The following WASHC2C variants were observed in gnomAD, a reference collection of about 807,000 sequenced individuals.
WASHC2C encodes WASH complex subunit 2C.
WASHC2C carries 73 observed loss-of-function variants against 142.2 expected under a neutral mutation model. That is an observed-to-expected ratio of 0.51 (90% confidence interval 0.43 to 0.62). WASHC2C has a LOEUF of 0.62. Ranked by LOEUF, WASHC2C falls within the 20% of genes least tolerant of loss-of-function variation. The probability of loss-of-function intolerance (pLI) is 0.00; values close to 1 mark genes in which losing one functional copy is unlikely to be tolerated. For missense variants in WASHC2C, 969 were observed against 1,531.7 expected (o/e 0.63, Z 6.13); for synonymous variants, 337 against 565.5 (o/e 0.60, Z 5.73).
At chr10:45,734,208 G>C (rs1416054232) in intron 3 of WASHC2C, among the ~76,000 whole-genome samples, 3 of 152,124 alleles carry the variant, frequency 2.0e-5, no homozygotes, top group African/African-American at 7.2e-5. Flanking sequence ...CAGGGTGACA[G>C]AGCAAGACTC....
At chr10:45,757,691 T>A (rs549187569) in intron 16 of WASHC2C, among the ~76,000 whole-genome samples, 167 of 152,074 alleles carry the variant, frequency 1.1e-3, no homozygotes, top group African/African-American at 3.8e-3. Flanking sequence ...AAATGCCATT[T>A]ACGGCAGTGA....
At chr10:45,771,364 C>CAA (rs58095251) in intron 20 of WASHC2C, among the ~76,000 whole-genome samples, 56 of 40,044 alleles carry the variant, frequency 1.4e-3, no homozygotes, top group South Asian at 3.6e-3. Flanking sequence ...GACTCCATCT[C>CAA]AAAAAAAAAA....
At position 45,753,330 on chromosome 10, in the gene WASHC2C, G is replaced by C; in HGVS notation, c.1180+93G>C. The C allele has an allele frequency of 2.5e-6, 3 of 1,197,942 alleles. 1 individual carries two copies. Among genetic ancestry groups the C allele is most frequent in the Non-Finnish European group, 3.5e-6 (3 of 865,072 alleles). The allele number at this position is 1,197,942 out of a possible 1,614,324, so 74.2% of individuals were successfully genotyped here. On this transcript the variant is annotated intron_variant, in intron 13 of 30. Transcript: ENST00000623400. ...TGGAACAAGGTTGTTCCCAAGCCTTGTTTCTGTGTCAAGCAAGAAGCTGTT... is the reference window on the plus strand; with the variant it reads ...TGGAACAAGGTTGTTCCCAAGCCTTCTTTCTGTGTCAAGCAAGAAGCTGTT...
chr10:45,788,672 T>C (rs1327723059), intron 28 of WASHC2C, among the ~76,000 whole-genome samples, 199 bp from the exon 29 acceptor site: 6 of 152,302 alleles, frequency 3.9e-5, no homozygotes, highest in South Asian at 2.1e-4. Context: ...AAGAATGACT[T>C]AGTCTTGGAG....
intron 15 of WASHC2C, among the ~76,000 whole-genome samples, chr10:45,756,622 A>AT (rs1196842139): frequency 5.9e-5 from 9 of 151,726 alleles, no homozygotes; most frequent in East Asian, 1.9e-4. Context: ...GTACAGTTTG[A>AT]TTTTTTTTAA....
rs551906385 is a variant in WASHC2C at position 45,759,776 on chromosome 10, A to G, written c.1635+375A>G. On this transcript the variant is annotated intron_variant, in intron 17 of 30. Coordinates refer to ENST00000623400, the MANE Select transcript of WASHC2C (RefSeq NM_001330074.2). ...AGAAGTTGCAATGAACCGAGATCACACCATTGCACTCCAGTCTAGGCGACA... is the reference window on the plus strand; with the variant it reads ...AGAAGTTGCAATGAACCGAGATCACGCCATTGCACTCCAGTCTAGGCGACA... 4.8e-4 allele frequency among the ~76,000 whole-genome samples: 73 copies of G among 152,316 alleles called. 1 individual carries two copies. The highest frequency in any genetic ancestry group is 7.9e-4 in the African/African-American group (33 of 41,570).
intron 8 of WASHC2C, among the ~76,000 whole-genome samples, chr10:45,749,400 A>G (rs1298691493): frequency 9.3e-5 from 14 of 151,270 alleles, no homozygotes; most frequent in African/African-American, 3.4e-4. Context: ...ACCCCATTGC[A>G]CTTCAGCCTG....
At chr10:45,772,539 G>A (rs1390414605) in intron 20 of WASHC2C, among the ~76,000 whole-genome samples, 14 of 151,722 alleles carry the variant, frequency 9.2e-5, no homozygotes, top group Non-Finnish European at 1.6e-4. Context: ...AACATAGAGC[G>A]ACCTCACCTC....
chr10:45,761,396 T>C (rs1329003639), intron 17 of WASHC2C, among the ~76,000 whole-genome samples: 12 of 152,302 alleles, frequency 7.9e-5, no homozygotes, highest in Non-Finnish European at 8.8e-5. Flanking sequence ...ATGGTCACAA[T>C]GGCCCATCCA....
At chr10:45,737,814 A>T (rs2610468) in intron 3 of WASHC2C, among the ~76,000 whole-genome samples, 169 bp from the exon 4 acceptor site, 161 of 119,180 alleles carry the variant, frequency 1.4e-3, no homozygotes, top group African/African-American at 4.9e-3. Flanking sequence ...CTTTGCTGTT[A>T]GTCCATGACC....
chr10:45,784,238 A>ATG (rs1564818662), intron 23 of WASHC2C, among the ~76,000 whole-genome samples: 96 of 58,234 alleles, frequency 1.6e-3, no homozygotes, highest in Middle Eastern at 7.2e-3. Context: ...ATATATATAT[A>ATG]TATGTGTGTG....
intron 14 of WASHC2C, 150 bp from the exon 15 acceptor site, chr10:45,754,786 A>G (rs1386568234): frequency 1.5e-5 from 21 of 1,362,686 alleles, no homozygotes; most frequent in Non-Finnish European, 2.1e-5. Flanking sequence ...GATGTTCTGT[A>G]GCAGTAATGG....
chr10:45,775,902 G>A (rs1367061633), intron 21 of WASHC2C, among the ~76,000 whole-genome samples: 3 of 151,738 alleles, frequency 2.0e-5, no homozygotes, highest in Non-Finnish European at 4.4e-5. Context: ...GGATGGTCTC[G>A]ATCTCCTGAT....
chr10:45,736,175 A>G (rs111561700), intron 3 of WASHC2C, among the ~76,000 whole-genome samples: 5,454 of 150,730 alleles, frequency 0.036, 118 homozygotes, highest in African/African-American at 0.047. Context: ...TGGGAGGCCG[A>G]GGTGGGCGAA....
chr10:45,760,100 G>T (rs1440160348), intron 17 of WASHC2C, among the ~76,000 whole-genome samples: 1 of 143,964 alleles, frequency 6.9e-6, no homozygotes, highest in Admixed American at 7.1e-5. Context: ...ATAGCCATCT[G>T]TCTTGTCGAG....
chr10:45,754,687 T>C, intron 14 of WASHC2C, 142 bp downstream of exon 14: 1 of 1,003,354 alleles, frequency 1.0e-6, no homozygotes, highest in Non-Finnish European at 1.4e-6. Context: ...TAGAAAGAGC[T>C]CATTTACTGA....
At chr10:45,728,363 A>G (rs1452195194) in intron 2 of WASHC2C, among the ~76,000 whole-genome samples, 1 of 152,118 alleles carries the variant, frequency 6.6e-6, no homozygotes, top group African/African-American at 2.4e-5. Flanking sequence ...CAGAAACGAG[A>G]TAGGTGTCCA....
rs1255571477 is a variant in WASHC2C at position 45,727,285 on chromosome 10, C to T, written c.-33C>T. 9.0e-6 allele frequency: 14 copies of T among 1,554,122 alleles called. No individual in the cohort carries two copies. Among genetic ancestry groups the T allele is most frequent in the Non-Finnish European group, 1.2e-5 (14 of 1,150,738 alleles). The stretch of plus-strand genomic sequence containing the variant: ...CTCTGCGGTCCTCGGCCTGTGCTGG[C>T]AGCCTCGGAGCCCACCGAGCCGGGC... On this transcript the variant is annotated 5_prime_UTR_variant, in exon 1 of 31. Coordinates refer to ENST00000623400, the MANE Select transcript of WASHC2C (RefSeq NM_001330074.2).
At chr10:45,764,936 C>T (rs1170956288) in intron 18 of WASHC2C, among the ~76,000 whole-genome samples, 3 of 152,064 alleles carry the variant, frequency 2.0e-5, no homozygotes, top group Non-Finnish European at 2.9e-5. Context: ...GGAAGACACT[C>T]CCTTCATCCA....
Sources: gnomAD v4.1 joint callset for allele counts (sites outside exome capture counted in the v4.1 genomes callset) on GRCh38, gnomAD v4.1.1 for gene constraint, MANE v1.5 for transcripts, NCBI Gene and HGNC (gene_info 2026-07-23, HGNC 2026-07-21) for gene names.